ANKRD44: variants seen among roughly 807,000 people sequenced by gnomAD.
The protein encoded by ANKRD44 is ankyrin repeat domain 44.
ANKRD44 carries 35 observed loss-of-function variants against 116.0 expected under a neutral mutation model. That is an observed-to-expected ratio of 0.30 (90% confidence interval 0.23 to 0.40). The LOEUF (loss-of-function observed/expected upper bound fraction) is 0.40, where lower values mean the gene tolerates loss of function less well. Among genes scored for constraint, ANKRD44 ranks in the 10% least tolerant of loss-of-function variants. The probability of loss-of-function intolerance (pLI) is 1.00; values close to 1 mark genes in which losing one functional copy is unlikely to be tolerated. For missense variants in ANKRD44, 1,014 were observed against 1,242.6 expected (o/e 0.82, Z 2.77); for synonymous variants, 435 against 461.8 (o/e 0.94, Z 0.74).
intron 15 of ANKRD44, among the ~76,000 whole-genome samples, chr2:197,079,218 T>C (rs1340756994): frequency 6.6e-6 from 1 of 151,714 alleles, no homozygotes; most frequent in Non-Finnish European, 1.5e-5. Context: ...GCAACCTCAA[T>C]AGGGAGGGGT....
At chr2:197,213,539 A>G (rs1305103442) in intron 1 of ANKRD44, among the ~76,000 whole-genome samples, 4 of 152,234 alleles carry the variant, frequency 2.6e-5, no homozygotes, top group African/African-American at 9.6e-5. Context: ...TTAGCAAAGC[A>G]CTGATAAATA....
intron 14 of ANKRD44, 114 bp from the exon 15 acceptor site, chr2:197,081,839 A>G (rs983620561): frequency 3.7e-5 from 28 of 765,550 alleles, no homozygotes; most frequent in Non-Finnish European, 5.4e-5. Flanking sequence ...ACCCAAAAGA[A>G]GTAAGCACCA....
At position 197,099,370 on chromosome 2, in the gene ANKRD44, T is replaced by C. The variant is rs557463785; in HGVS notation, c.1100+446A>G. On this transcript the variant is annotated intron_variant, in intron 10 of 27. Transcript: ENST00000282272. ...AGATGCTTTATGTATTTTTGTGGAA[T>C]TGAAGTTCAAAATGAAGTCAGGTTC... 40 of 294,862 alleles carry C rather than the reference T, an allele frequency of 1.4e-4. No homozygotes were observed. In the South Asian group the frequency reaches 3.8e-3, roughly 28 times the overall value. 18.3% of individuals were successfully genotyped at this position (294,862 alleles called of 1,614,324 possible). A position where few individuals can be genotyped will look rare whatever the true frequency, so the allele number is the denominator to read the frequency against.
chr2:197,013,919 T>C (rs1341334038), intron 17 of ANKRD44, among the ~76,000 whole-genome samples: 4 of 152,238 alleles, frequency 2.6e-5, no homozygotes. Context: ...CAGTTCCATA[T>C]GAGTTTCGTG....
intron 9 of ANKRD44, among the ~76,000 whole-genome samples, chr2:197,108,657 T>C (rs1034579246): frequency 1.3e-5 from 2 of 152,014 alleles, no homozygotes; most frequent in African/African-American, 4.8e-5. Flanking sequence ...GGTCAACACA[T>C]GGCAAAACCC....
At chr2:197,043,970 T>G (rs1299638850) in intron 16 of ANKRD44, among the ~76,000 whole-genome samples, 1 of 152,234 alleles carries the variant, frequency 6.6e-6, no homozygotes, top group East Asian at 1.9e-4. Context: ...TGATTTTTAT[T>G]TCTGATCTTT....
chr2:197,304,247 G>A (rs1246513414), intron 1 of ANKRD44, among the ~76,000 whole-genome samples: 1 of 152,110 alleles, frequency 6.6e-6, no homozygotes, highest in African/African-American at 2.4e-5. Context: ...GGGGTCGGCG[G>A]GGGTTGCAAT....
chr2:197,096,802 A>G (rs1170466471), intron 10 of ANKRD44, among the ~76,000 whole-genome samples: 1 of 152,150 alleles, frequency 6.6e-6, no homozygotes, highest in African/African-American at 2.4e-5. Context: ...TGGCAAATTT[A>G]ATCTTCTCCA....
rs147176268 is a variant in ANKRD44 at position 197,027,304 on chromosome 2, G to T, written c.1651-2037C>A. Among the ~76,000 whole-genome samples the T allele has an allele frequency of 7.9e-5, 12 of 152,288 alleles. No individual in the cohort carries two copies. In the East Asian group the frequency reaches 2.3e-3, roughly 29 times the overall value. On this transcript the variant is annotated intron_variant, in intron 16 of 27. Transcript: ENST00000282272. ...TTTAGCCCGGGAGGTGGAGGTGGCC[G>T]TGAGCTGAGATTGTACCACTGCATT...
intron 16 of ANKRD44, among the ~76,000 whole-genome samples, chr2:197,036,347 C>A (rs187462276): frequency 6.6e-6 from 1 of 152,274 alleles, no homozygotes; most frequent in Non-Finnish European, 1.5e-5. Context: ...CAACCTCCAC[C>A]TCCCAGGTTC....
At chr2:197,069,184 A>G (rs970601577) in intron 16 of ANKRD44, among the ~76,000 whole-genome samples, 15 of 152,134 alleles carry the variant, frequency 9.9e-5, no homozygotes, top group Non-Finnish European at 2.2e-4. Context: ...CATTCTCCAC[A>G]AACTATCACA....
intron 8 of ANKRD44, among the ~76,000 whole-genome samples, chr2:197,121,053 C>T (rs557949838): frequency 2.0e-5 from 3 of 152,044 alleles, no homozygotes; most frequent in East Asian, 3.9e-4. Flanking sequence ...CTCAGCCTCC[C>T]GAGTAGCTGA....
chr2:196,998,759 T>C (rs1255350285), intron 24 of ANKRD44, 148 bp downstream of exon 24: 18 of 1,096,544 alleles, frequency 1.6e-5, no homozygotes, highest in Non-Finnish European at 2.3e-5. Flanking sequence ...TGAAAGACGC[T>C]TGAGCAGGTA....
chr2:197,071,341 T>A (rs1016655055), intron 16 of ANKRD44, among the ~76,000 whole-genome samples: 2 of 152,204 alleles, frequency 1.3e-5, no homozygotes, highest in African/African-American at 4.8e-5. Context: ...GTGCTAAAAA[T>A]TTCTTTCTCA....
At chr2:197,234,654 C>A (rs1469651010) in intron 1 of ANKRD44, among the ~76,000 whole-genome samples, 3 of 152,170 alleles carry the variant, frequency 2.0e-5, no homozygotes. Flanking sequence ...GTAAACACCC[C>A]CAATTTTACT....
intron 2 of ANKRD44, among the ~76,000 whole-genome samples, chr2:197,169,343 T>C (rs2080171710): frequency 6.6e-6 from 1 of 152,210 alleles, no homozygotes; most frequent in Non-Finnish European, 1.5e-5. Flanking sequence ...CATAGCAGTC[T>C]TCTCAGTTTA....
intron 1 of ANKRD44, among the ~76,000 whole-genome samples, chr2:197,275,650 A>G (rs1051208618): frequency 2.4e-4 from 37 of 151,860 alleles, no homozygotes; most frequent in Non-Finnish European, 2.2e-4. Context: ...TGTCCACAGC[A>G]GTGGTTCTCA....
At chr2:197,131,237 G>GC (rs1322277045) in intron 4 of ANKRD44, among the ~76,000 whole-genome samples, 1 of 150,142 alleles carries the variant, frequency 6.7e-6, no homozygotes, top group African/African-American at 2.5e-5. Context: ...TGTCGCCCAG[G>GC]CTGGAGTGCA....
At chr2:197,012,668 C>A (rs1023986524) in intron 18 of ANKRD44, among the ~76,000 whole-genome samples, 1 of 151,984 alleles carries the variant, frequency 6.6e-6, no homozygotes, top group African/African-American at 2.4e-5. Context: ...TAGTTTTTTA[C>A]AAGGTCTATC....
Sources: gnomAD v4.1 joint callset for allele counts (sites outside exome capture counted in the v4.1 genomes callset) on GRCh38, gnomAD v4.1.1 for gene constraint, MANE v1.5 for transcripts, NCBI Gene and HGNC (gene_info 2026-07-23, HGNC 2026-07-21) for gene names.